CABLES1: variants seen among roughly 807,000 people sequenced by gnomAD.
The protein encoded by CABLES1 is CDK5 and ABL1 enzyme substrate 1.
CABLES1 carries 36 observed loss-of-function variants against 57.8 expected under a neutral mutation model. The observed-to-expected ratio is 0.62, with a 90% CI of 0.48 to 0.82. CABLES1 has a LOEUF of 0.82. Among genes scored for constraint, CABLES1 ranks in the 40% least tolerant of loss-of-function variants. The pLI, the probability that CABLES1 is intolerant of heterozygous loss-of-function variation, is 0.00. For synonymous variants in CABLES1, 374 were observed against 363.0 expected, an observed-to-expected ratio of 1.03 and a Z score of -0.35; for missense variants, 767 against 836.6, an observed-to-expected ratio of 0.92 and a Z score of 1.03.
At chr18:23,161,455 G>A (rs896694196) in intron 1 of CABLES1, among the ~76,000 whole-genome samples, 3 of 150,876 alleles carry the variant, frequency 2.0e-5, no homozygotes, top group African/African-American at 7.3e-5. Context: ...GACTCCCAGG[G>A]TGGGCTCCCT....
intron 7 of CABLES1, among the ~76,000 whole-genome samples, chr18:23,250,083 G>A (rs1471905565): frequency 1.3e-5 from 2 of 152,208 alleles, no homozygotes; most frequent in Non-Finnish European, 2.9e-5. Flanking sequence ...CAAATAAGAT[G>A]GAGCAAAGCA....
intron 3 of CABLES1, among the ~76,000 whole-genome samples, chr18:23,213,621 T>C (rs1318008201): frequency 6.6e-6 from 1 of 152,246 alleles, no homozygotes; most frequent in African/African-American, 2.4e-5. Flanking sequence ...ATGGTTTAAA[T>C]GTGGCATGAC....
At chr18:23,252,818 C>T (rs1292171180) in intron 7 of CABLES1, 142 bp from the exon 8 acceptor site, 8 of 574,144 alleles carry the variant, frequency 1.4e-5, no homozygotes, top group African/African-American at 3.8e-5. Context: ...TCCTGGATTC[C>T]GCCGAGCCCT....
intron 4 of CABLES1, among the ~76,000 whole-genome samples, chr18:23,219,409 A>G (rs575759234): frequency 6.6e-6 from 1 of 152,344 alleles, no homozygotes; most frequent in South Asian, 2.1e-4. Context: ...GCGATTCTTC[A>G]GTTAGACTTG....
At chr18:23,255,007 G>A (rs1846841531) in intron 9 of CABLES1, among the ~76,000 whole-genome samples, 1 of 152,170 alleles carries the variant, frequency 6.6e-6, no homozygotes. Context: ...GGTAAGGCAG[G>A]GTTTGTGGGT....
intron 1 of CABLES1, among the ~76,000 whole-genome samples, chr18:23,165,975 T>C (rs2047039600): frequency 6.6e-6 from 1 of 152,104 alleles, no homozygotes; most frequent in Non-Finnish European, 1.5e-5. Flanking sequence ...GGGAAATGAG[T>C]GATCTTCTGT....
intron 1 of CABLES1, among the ~76,000 whole-genome samples, chr18:23,144,416 A>G (rs566717637): frequency 6.6e-6 from 1 of 152,334 alleles, no homozygotes; most frequent in Admixed American, 6.5e-5. Context: ...TAATTTGCTA[A>G]AACAATCTGT....
intron 1 of CABLES1, among the ~76,000 whole-genome samples, chr18:23,179,705 T>C (rs1232862641): frequency 1.3e-5 from 2 of 152,244 alleles, no homozygotes; most frequent in African/African-American, 2.4e-5. Context: ...CCATGCTTAC[T>C]TTCATCGGCA....
chr18:23,136,240 C>T lies in CABLES1; in HGVS notation c.478C>T (p.Pro160Ser). Residue 160 changes from proline to serine, a missense_variant, in exon 1 of 10, where the codon CCC (proline) becomes TCC (serine). Coordinates refer to ENST00000256925, the MANE Select transcript of CABLES1 (RefSeq NM_001100619.3). Reference sequence around the variant, plus strand: ...TGGCGGCCATGCGACCGTGTCCGGCCCCGGGGTGGCGCGGGGGTTCGCGAG... The same window carrying T: ...TGGCGGCCATGCGACCGTGTCCGGCTCCGGGGTGGCGCGGGGGTTCGCGAG... ...IPGGHATVSG[P>S]GVARGFASPL... 7 of 1,298,158 alleles carry T rather than the reference C, an allele frequency of 5.4e-6. No homozygotes were observed. Among genetic ancestry groups the T allele is most frequent in the Non-Finnish European group, 6.8e-6 (7 of 1,028,708 alleles). 80.4% of individuals were successfully genotyped at this position (1,298,158 alleles called of 1,614,324 possible). A position where few individuals can be genotyped will look rare whatever the true frequency, so the allele number is the denominator to read the frequency against.
At chr18:23,234,832 A>T (rs2047591837) in intron 5 of CABLES1, 128 bp downstream of exon 5, 13 of 727,614 alleles carry the variant, frequency 1.8e-5, no homozygotes, top group Non-Finnish European at 3.1e-5. Flanking sequence ...ATTCCCAGGC[A>T]TGTGATGCCA....
At chr18:23,223,669 C>T (rs1478323189) in intron 4 of CABLES1, among the ~76,000 whole-genome samples, 1 of 151,912 alleles carries the variant, frequency 6.6e-6, no homozygotes, top group Non-Finnish European at 1.5e-5. Flanking sequence ...GTCCCTGGAG[C>T]CCCTCTCTGT....
chr18:23,210,979 A>G (rs1267121366), intron 3 of CABLES1, among the ~76,000 whole-genome samples: 1 of 152,100 alleles, frequency 6.6e-6, no homozygotes, highest in Non-Finnish European at 1.5e-5. Flanking sequence ...GTCCATATTC[A>G]TAGTTGCTAA....
At chr18:23,191,080 CA>C (rs10636287) in intron 2 of CABLES1, among the ~76,000 whole-genome samples, 4,867 of 63,566 alleles carry the variant, frequency 0.077, 102 homozygotes, top group African/African-American at 0.16. Context: ...CCCATCTCTA[CA>C]AAAAAAAAAA....
At chr18:23,246,922 ACCTCAAGTGATCTGCCTG>A (rs2047910225) in intron 7 of CABLES1, among the ~76,000 whole-genome samples, 2 of 152,158 alleles carry the variant, frequency 1.3e-5, no homozygotes, top group African/African-American at 4.8e-5. Flanking sequence ...CGAACTCCTG[ACCTCAAGTGATCTGCCTG>A]CCTCAGCCTC....
In CABLES1 at chr18:23,162,221, T is replaced by C. The variant is rs755118032; in HGVS notation, c.845+25614T>C. ...TACAGGTGTTTATGAATTGTTTCTT[T>C]TTCACATAAGGCATAAAGGCCTACA... On this transcript the variant is annotated intron_variant, in intron 1 of 9. Coordinates refer to ENST00000256925, the MANE Select transcript of CABLES1 (RefSeq NM_001100619.3). Among the ~76,000 whole-genome samples, 16 of 152,220 alleles carry C rather than the reference T, an allele frequency of 1.1e-4. 1 individual carries two copies. Among genetic ancestry groups the C allele is most frequent in the Admixed American group, 7.2e-4 (11 of 15,286 alleles).
At position 23,136,174 on chromosome 18, in the gene CABLES1, C is replaced by T; in HGVS notation, c.412C>T (p.Pro138Ser). The change falls in exon 1 of 10, where the codon CCC becomes TCC. Residue 138 changes from proline to serine, a missense_variant. Pro to Ser is a moderately conservative substitution (Grantham distance 74). Transcript: ENST00000256925. ...PAAGLAAGSG[P>S]CLPQPSSLPP... The stretch of plus-strand genomic sequence containing the variant: ...TGCGGGGTTAGCCGCTGGGTCCGGC[C>T]CCTGCCTCCCACAGCCCTCGTCGCT... The T allele has an allele frequency of 8.2e-7, 1 of 1,225,544 alleles. No individual in the cohort carries two copies. Among genetic ancestry groups the T allele is most frequent in the Non-Finnish European group, 1.0e-6 (1 of 984,730 alleles). 75.9% of individuals were successfully genotyped at this position (1,225,544 alleles called of 1,614,324 possible). A position where few individuals can be genotyped will look rare whatever the true frequency, so the allele number is the denominator to read the frequency against.
intron 6 of CABLES1, among the ~76,000 whole-genome samples, chr18:23,236,309 T>A (rs1476623795): frequency 6.6e-6 from 1 of 152,202 alleles, no homozygotes; most frequent in South Asian, 2.1e-4. Flanking sequence ...CATGTAGAGA[T>A]GGCTGTGTCT....
At chr18:23,189,777 G>T (rs1397369582) in intron 2 of CABLES1, among the ~76,000 whole-genome samples, 4 of 152,240 alleles carry the variant, frequency 2.6e-5, no homozygotes, top group Admixed American at 6.5e-5. Context: ...GCCTGGCAGG[G>T]TGCTGCTGTA....
intron 4 of CABLES1, among the ~76,000 whole-genome samples, chr18:23,234,167 G>A (rs1274853928): frequency 6.6e-6 from 1 of 152,174 alleles, no homozygotes; most frequent in Non-Finnish European, 1.5e-5. Flanking sequence ...GCAGTCAGCC[G>A]AGATCGTGCC....
Sources: allele counts gnomAD v4.1 joint callset (sites outside exome capture counted in the v4.1 genomes callset), GRCh38; gene constraint gnomAD v4.1.1; transcripts MANE v1.5; gene names NCBI Gene and HGNC (gene_info 2026-07-23, HGNC 2026-07-21).